The following ZFP91 variants were observed in gnomAD, a reference collection of about 807,000 sequenced individuals.
ZFP91 encodes ZFP91 zinc finger protein, atypical E3 ubiquitin ligase.
In ZFP91, 7 loss-of-function variants were observed where a neutral mutation model predicts 63.5. The observed-to-expected ratio is 0.11, with a 90% CI of 0.06 to 0.21. The LOEUF (loss-of-function observed/expected upper bound fraction) is 0.21, where lower values mean the gene tolerates loss of function less well. Ranked by LOEUF, ZFP91 falls within the 10% of genes least tolerant of loss-of-function variation. The pLI, the probability that ZFP91 is intolerant of heterozygous loss-of-function variation, is 1.00. For synonymous variants in ZFP91, 330 were observed against 272.1 expected, an observed-to-expected ratio of 1.21 and a Z score of -2.10; for missense variants, 628 against 736.6, an observed-to-expected ratio of 0.85 and a Z score of 1.71.
chr11:58,615,695 T>C (rs904956358), intron 9 of ZFP91, among the ~76,000 whole-genome samples: 1 of 152,190 alleles, frequency 6.6e-6, no homozygotes, highest in Non-Finnish European at 1.5e-5. Context: ...CAACCAGCAT[T>C]GACATCATTT....
chr11:58,612,425 A>G, intron 7 of ZFP91, 97 bp downstream of exon 7: 1 of 1,290,630 alleles, frequency 7.7e-7, no homozygotes, highest in Middle Eastern at 1.9e-4. Context: ...AGGAATGGCT[A>G]TTTAAAAATT....
chr11:58,614,445 A>G lies in ZFP91; in HGVS notation c.1102+102A>G, dbSNP rs866039697. ...TCTAACATAAGTCTTAAAAGATTCT[A>G]TAGTCAAGTGCGGGGAAAAGGTGTG... On this transcript the variant is annotated intron_variant, in intron 9 of 10. Transcript: ENST00000316059. 39 of 832,620 alleles carry G rather than the reference A, an allele frequency of 4.7e-5. 1 individual carries two copies. The Middle Eastern group carries it at 3.8e-3, about 80-fold the overall frequency. 51.6% of individuals were successfully genotyped at this position (832,620 alleles called of 1,614,324 possible).
At chr11:58,604,954 A>C (rs896791288) in intron 2 of ZFP91, among the ~76,000 whole-genome samples, 4 of 152,188 alleles carry the variant, frequency 2.6e-5, no homozygotes, top group African/African-American at 9.6e-5. Flanking sequence ...TGTGTAAACT[A>C]CCGATAAGAA....
chr11:58,596,921 A>C (rs183723142), intron 2 of ZFP91, among the ~76,000 whole-genome samples: 1 of 151,652 alleles, frequency 6.6e-6, no homozygotes, highest in African/African-American at 2.4e-5. Flanking sequence ...TTTCCATAGA[A>C]TATCGTGTAA....
chr11:58,580,354 G>A (rs1855091712), intron 1 of ZFP91, among the ~76,000 whole-genome samples: 1 of 152,270 alleles, frequency 6.6e-6, no homozygotes, highest in African/African-American at 2.4e-5. Context: ...TTACCTAGAC[G>A]TAATAGAGGA....
Position 58,619,478 on chromosome 11 carries a change from T to A in ZFP91, c.*1772T>A, listed in dbSNP as rs778342908. 2 of 151,984 alleles carry A rather than the reference T, an allele frequency of 1.3e-5. No homozygotes were observed. Among genetic ancestry groups the A allele is most frequent in the East Asian group, 1.9e-4 (1 of 5,186 alleles). 9.4% of individuals were successfully genotyped at this position (151,984 alleles called of 1,614,324 possible). A position where few individuals can be genotyped will look rare whatever the true frequency, so the allele number is the denominator to read the frequency against. On this transcript the variant is annotated 3_prime_UTR_variant, in exon 11 of 11. Coordinates refer to ENST00000316059, the MANE Select transcript of ZFP91 (RefSeq NM_053023.5). ...ATGGCTCTTGGAAAGAATGACGTTT[T>A]GCTGGAAAAAAAAAAAAGAACAGTT...
intron 2 of ZFP91, among the ~76,000 whole-genome samples, chr11:58,586,649 G>GT (rs1233292816): frequency 6.6e-6 from 1 of 152,142 alleles, no homozygotes; most frequent in Non-Finnish European, 1.5e-5. Flanking sequence ...TATAAGAACT[G>GT]TAACATTCAT....
At chr11:58,588,958 A>G (rs1285397511) in intron 2 of ZFP91, among the ~76,000 whole-genome samples, 1 of 152,216 alleles carries the variant, frequency 6.6e-6, no homozygotes, top group Non-Finnish European at 1.5e-5. Context: ...TAGTTTTCCC[A>G]GTCAAAATAA....
At chr11:58,607,333 A>G (rs1004759099) in intron 2 of ZFP91, among the ~76,000 whole-genome samples, 2 of 152,224 alleles carry the variant, frequency 1.3e-5, no homozygotes, top group African/African-American at 2.4e-5. Flanking sequence ...TTCTAAATCT[A>G]GGTGTCCTTA....
At chr11:58,593,109 C>T (rs1855335683) in intron 2 of ZFP91, among the ~76,000 whole-genome samples, 1 of 152,216 alleles carries the variant, frequency 6.6e-6, no homozygotes, top group Non-Finnish European at 1.5e-5. Flanking sequence ...TATTAGGGAT[C>T]ACATTTCAAC....
intron 1 of ZFP91, among the ~76,000 whole-genome samples, chr11:58,583,708 G>A (rs1024800362): frequency 1.3e-5 from 2 of 152,038 alleles, no homozygotes; most frequent in East Asian, 1.9e-4. Flanking sequence ...CAGTTATGGT[G>A]TGTTAATTGG....
chr11:58,617,550 C>CTG lies in ZFP91; in HGVS notation c.1558_1559dup (p.Ser521AlafsTer7). The CTG allele has an allele frequency of 6.2e-7, 1 of 1,613,812 alleles. No individual in the cohort carries two copies. The highest frequency in any genetic ancestry group is 8.5e-7 in the Non-Finnish European group (1 of 1,179,872). On this transcript the variant is annotated frameshift_variant, in exon 11 of 11. Coordinates refer to ENST00000316059, the MANE Select transcript of ZFP91 (RefSeq NM_053023.5). LOFTEE classifies it high-confidence loss of function. The surrounding 1 kb of genome is among the most constrained non-coding windows in gnomAD (Gnocchi z 4.2). The stretch of plus-strand genomic sequence containing the variant: ...AAGCTGAAGGGATGTCAAAGTCATA[C>CTG]TGCAGTGGGACGGAACGGGTGAGCC...
intron 2 of ZFP91, among the ~76,000 whole-genome samples, chr11:58,590,195 T>A (rs1565216821): frequency 6.6e-6 from 1 of 152,222 alleles, no homozygotes; most frequent in Non-Finnish European, 1.5e-5. Context: ...CATTTTGAAA[T>A]GAGCCTTAGT....
rs902083164 is a variant in ZFP91 at position 58,610,225 on chromosome 11, A to C, written c.581-73A>C. On this transcript the variant is annotated intron_variant, in intron 3 of 10. Transcript: ENST00000316059. ...TACCCCATGCAGTAATTTGATTTGCATTTCTTGACTGCAGAGAGAAAATAT... is the reference window on the plus strand; with the variant it reads ...TACCCCATGCAGTAATTTGATTTGCCTTTCTTGACTGCAGAGAGAAAATAT... 7 of 1,523,740 alleles carry C rather than the reference A, an allele frequency of 4.6e-6. No individual in the cohort carries two copies. The South Asian group carries it at 6.0e-5, about 13-fold the overall frequency. 94.4% of individuals were successfully genotyped at this position (1,523,740 alleles called of 1,614,324 possible).
In ZFP91 at chr11:58,619,036, TA is replaced by T. The variant is rs1248314653; in HGVS notation, c.*1331del. ...TTGCTTTTTGTTTCTTGCTTTGCTT[TA>T]TCAGTTCATTCCAGCTCCCTGTTAG... is the stretch of plus-strand genomic sequence containing the variant. On this transcript the variant is annotated 3_prime_UTR_variant, in exon 11 of 11. Transcript: ENST00000316059. 1 of 197,572 alleles carries T rather than the reference TA, an allele frequency of 5.1e-6. No individual in the cohort carries two copies. The highest frequency in any genetic ancestry group is 8.2e-5 in the South Asian group (1 of 12,160). The allele number at this position is 197,572 out of a possible 1,614,324, so 12.2% of individuals were successfully genotyped here.
Position 58,579,393 on chromosome 11 carries a change from G to C in ZFP91, c.112G>C (p.Ala38Pro). ...EPQQRPPEAVAAAPAGTTSSR... is the reference protein window; with the variant it reads ...EPQQRPPEAVPAAPAGTTSSR... ...CCAACAACGGCCCCCTGAGGCGGTC[G>C]CGGCGGCGCCTGCAGGGACCACTAG... The change falls in exon 1 of 11, where the codon GCG becomes CCG. Residue 38 changes from alanine to proline, a missense_variant. Transcript: ENST00000316059. 1 of 1,474,930 alleles carries C rather than the reference G, an allele frequency of 6.8e-7. No individual in the cohort carries two copies. Among genetic ancestry groups the C allele is most frequent in the Non-Finnish European group, 8.9e-7 (1 of 1,119,226 alleles). 91.4% of individuals were successfully genotyped at this position (1,474,930 alleles called of 1,614,324 possible). A position where few individuals can be genotyped will look rare whatever the true frequency, so the allele number is the denominator to read the frequency against.
intron 9 of ZFP91, 51 bp from the exon 10 acceptor site, chr11:58,616,665 A>G (rs747584826): frequency 3.3e-6 from 5 of 1,510,220 alleles, no homozygotes; most frequent in Non-Finnish European, 3.7e-6. Context: ...GTAAGGGAAA[A>G]TATTTACAGG....
chr11:58,586,448 A>T (rs1213795063), intron 2 of ZFP91, among the ~76,000 whole-genome samples: 2 of 152,166 alleles, frequency 1.3e-5, no homozygotes, highest in East Asian at 3.9e-4. Context: ...CTAGAAGTTG[A>T]CTTATTGGCA....
intron 2 of ZFP91, among the ~76,000 whole-genome samples, chr11:58,602,418 GTATGT>G (rs927973136): frequency 2.6e-4 from 39 of 151,848 alleles, no homozygotes; most frequent in Non-Finnish European, 4.0e-4. Flanking sequence ...TCTTTGCTAT[GTATGT>G]TATATGTTGA....
Sources: allele counts gnomAD v4.1 joint callset (sites outside exome capture counted in the v4.1 genomes callset), GRCh38; gene constraint gnomAD v4.1.1; non-coding constraint Gnocchi (gnomAD v3.1); transcripts MANE v1.5; gene names NCBI Gene and HGNC (gene_info 2026-07-23, HGNC 2026-07-21).